Variants in FRMPD4 observed in about 807,000 individuals in gnomAD.
FRMPD4 encodes FERM and PDZ domain containing 4, also known as FERM and PDZ domain-containing protein 4.
Under a neutral mutation model 94.1 loss-of-function variants are expected in FRMPD4, and 22 were observed. The observed-to-expected ratio is 0.23, with a 90% CI of 0.17 to 0.33. The LOEUF (loss-of-function observed/expected upper bound fraction) is 0.33, where lower values mean the gene tolerates loss of function less well. Among genes scored for constraint, FRMPD4 ranks in the 10% least tolerant of loss-of-function variants. The pLI is 1.00. For missense variants in FRMPD4, 1,111 were observed against 1,339.9 expected, an observed-to-expected ratio of 0.83 and a Z score of 2.67; for synonymous variants, 631 against 548.6, an observed-to-expected ratio of 1.15 and a Z score of -2.10.
intron 1 of FRMPD4, among the ~76,000 whole-genome samples, chrX:12,200,521 G>A (rs2056618929): frequency 9.1e-6 from 1 of 110,287 alleles, no homozygotes; most frequent in Non-Finnish European, 1.9e-5. Flanking sequence ...TTTTGCAGAG[G>A]TGGGGTCTCA....
At chrX:12,646,542 A>C (rs750057149) in intron 4 of FRMPD4, among the ~76,000 whole-genome samples, 1 of 112,004 alleles carries the variant, frequency 8.9e-6, no homozygotes, top group Non-Finnish European at 1.9e-5. Context: ...AAATCTGTCA[A>C]CTTTCAGAGA....
At chrX:12,206,848 A>G (rs746019548) in intron 1 of FRMPD4, among the ~76,000 whole-genome samples, 8 of 112,418 alleles carry the variant, frequency 7.1e-5, no homozygotes, top group Non-Finnish European at 1.3e-4. Flanking sequence ...AGCTTGTGTT[A>G]TCCACATTCT....
chrX:12,549,817 T>C (rs918547102), intron 2 of FRMPD4, among the ~76,000 whole-genome samples: 5 of 112,474 alleles, frequency 4.4e-5, no homozygotes, highest in Non-Finnish European at 3.8e-5. Flanking sequence ...TTCTACCTTT[T>C]TGGAGAATCG....
At chrX:12,335,215 C>T (rs751224128) in intron 1 of FRMPD4, among the ~76,000 whole-genome samples, 5 of 109,720 alleles carry the variant, frequency 4.6e-5, no homozygotes, top group Admixed American at 1.9e-4. Context: ...CAGCCTCGAC[C>T]GCCCAGGCTC....
At chrX:12,369,616 T>C (rs2148004498) in intron 1 of FRMPD4, among the ~76,000 whole-genome samples, 1 of 112,597 alleles carries the variant, frequency 8.9e-6, no homozygotes, top group South Asian at 3.7e-4. Flanking sequence ...GAAGACTTCA[T>C]GGAGGAAGAA....
chrX:11,930,738 G>A (rs1281900352), intron 3 of FRMPD4, among the ~76,000 whole-genome samples: 1 of 112,060 alleles, frequency 8.9e-6, no homozygotes, highest in East Asian at 2.8e-4. Context: ...AGATTGTACA[G>A]CATCCAGAAA....
intron 1 of FRMPD4, among the ~76,000 whole-genome samples, chrX:12,467,139 T>C (rs996773593): frequency 1.8e-5 from 2 of 108,649 alleles, no homozygotes; most frequent in African/African-American, 6.7e-5. Flanking sequence ...GAACAGGCAA[T>C]TGTGTTTCAT....
intron 1 of FRMPD4, among the ~76,000 whole-genome samples, chrX:12,317,497 C>A (rs2055136366): frequency 9.4e-6 from 1 of 106,836 alleles, no homozygotes; most frequent in Non-Finnish European, 1.9e-5. Flanking sequence ...AAGAGACAGC[C>A]CACGGAATGG....
intron 3 of FRMPD4, among the ~76,000 whole-genome samples, chrX:12,613,332 C>T (rs1318125179): frequency 9.0e-6 from 1 of 111,603 alleles, no homozygotes. Context: ...GGAACAAATT[C>T]AAAAGGGACA....
chrX:12,229,823 T>C (rs1460689072), intron 1 of FRMPD4, among the ~76,000 whole-genome samples: 1 of 112,333 alleles, frequency 8.9e-6, no homozygotes, highest in Non-Finnish European at 1.9e-5. Context: ...CATTTCTTTG[T>C]TTGTTAATCC....
chrX:12,583,116 C>G (rs1310735133), intron 2 of FRMPD4, among the ~76,000 whole-genome samples: 2 of 112,195 alleles, frequency 1.8e-5, no homozygotes, highest in African/African-American at 6.5e-5. Context: ...GTCTTTGACC[C>G]TGGCATCTGC....
At chrX:11,942,773 G>A (rs1392477624) in intron 3 of FRMPD4, among the ~76,000 whole-genome samples, 1 of 111,673 alleles carries the variant, frequency 9.0e-6, no homozygotes, top group Non-Finnish European at 1.9e-5. Context: ...TTAGTGCAAT[G>A]TTGTGCGACT....
chrX:12,038,507 C>G (rs1366751791), intron 3 of FRMPD4, among the ~76,000 whole-genome samples: 1 of 111,959 alleles, frequency 8.9e-6, no homozygotes, highest in Non-Finnish European at 1.9e-5. Flanking sequence ...TTTACAGTGT[C>G]TATTGAAGAA....
intron 11 of FRMPD4, among the ~76,000 whole-genome samples, chrX:12,706,017 G>A (rs1375285958): frequency 9.0e-6 from 1 of 111,040 alleles, no homozygotes; most frequent in Non-Finnish European, 1.9e-5. Flanking sequence ...ACTTAATGGT[G>A]GTCTACACCT....
Position 12,042,266 on chromosome X carries a change from T to C in FRMPD4, c.95+164248T>C, listed in dbSNP as rs765335223. 1.4e-4 allele frequency among the ~76,000 whole-genome samples: 15 copies of C among 109,631 alleles called. No homozygotes were observed. In the South Asian group the frequency reaches 5.6e-3, roughly 41 times the overall value. ...GGAAACACTTTCCTATTCTTTTGCATGTCTCATAAGTCTTTGTTGAATGCT... is the reference window on the plus strand; with the variant it reads ...GGAAACACTTTCCTATTCTTTTGCACGTCTCATAAGTCTTTGTTGAATGCT... On this transcript the variant is annotated intron_variant, in intron 3 of 18. Transcript: ENST00000640291.
chrX:11,920,671 G>GT (rs1235990463), intron 3 of FRMPD4, among the ~76,000 whole-genome samples: 3 of 112,176 alleles, frequency 2.7e-5, no homozygotes, highest in Non-Finnish European at 5.6e-5. Flanking sequence ...GCAAATAGCA[G>GT]TTTTTTTATT....
At chrX:12,540,683 A>G (rs374281271) in intron 2 of FRMPD4, among the ~76,000 whole-genome samples, 1 of 111,469 alleles carries the variant, frequency 9.0e-6, no homozygotes, top group African/African-American at 3.3e-5. Context: ...CAGATCAACA[A>G]GACAGAAAAT....
chrX:12,357,066 C>A (rs1351970670), intron 1 of FRMPD4, among the ~76,000 whole-genome samples: 2 of 112,153 alleles, frequency 1.8e-5, no homozygotes, highest in Non-Finnish European at 3.8e-5. Context: ...ACATCCATTT[C>A]TCCAATCCTG....
At chrX:12,211,712 C>G (rs1424009240) in intron 1 of FRMPD4, among the ~76,000 whole-genome samples, 1 of 111,693 alleles carries the variant, frequency 9.0e-6, no homozygotes, top group African/African-American at 3.3e-5. Context: ...AGTATATTTT[C>G]CTTTGAAGTG....
Sources: gnomAD v4.1 joint callset for allele counts (sites outside exome capture counted in the v4.1 genomes callset) on GRCh38, gnomAD v4.1.1 for gene constraint, MANE v1.5 for transcripts, NCBI Gene and HGNC (gene_info 2026-07-23, HGNC 2026-07-21) for gene names.